The following DENND1B variants were observed in gnomAD, a reference collection of about 807,000 sequenced individuals.
The protein encoded by DENND1B is DENN domain-containing protein 1B.
DENND1B carries 59 observed loss-of-function variants against 90.1 expected under a neutral mutation model. The observed-to-expected ratio is 0.65, with a 90% CI of 0.53 to 0.81. The LOEUF (loss-of-function observed/expected upper bound fraction) is 0.81. DENND1B is among the 40% of genes least tolerant of loss of function. The pLI is 0.00. For missense variants in DENND1B, 862 were observed against 912.6 expected, an observed-to-expected ratio of 0.94 and a Z score of 0.71; for synonymous variants, 337 against 324.6, an observed-to-expected ratio of 1.04 and a Z score of -0.41.
chr1:197,689,431 G>A (rs1335479440), intron 3 of DENND1B: 1 of 152,062 alleles, frequency 6.6e-6, no homozygotes, highest in African/African-American at 2.4e-5. Context: ...GATGAGATTT[G>A]GGTGGAGACA....
At chr1:197,657,693 T>C (rs2477074) in intron 6 of DENND1B, among the ~76,000 whole-genome samples, 127,859 of 152,172 alleles carry the variant, frequency 0.84, 54,006 homozygotes, top group African/African-American at 0.92. Flanking sequence ...AATGCTCTCA[T>C]GATTCCTCAA....
intron 10 of DENND1B, among the ~76,000 whole-genome samples, chr1:197,632,765 T>C (rs1679443067): frequency 1.3e-5 from 2 of 152,170 alleles, no homozygotes; most frequent in East Asian, 3.8e-4. Context: ...CTACTTTAAT[T>C]TTAAGATGCC....
intron 3 of DENND1B, among the ~76,000 whole-genome samples, chr1:197,684,915 G>A (rs1657072399): frequency 6.6e-6 from 1 of 151,968 alleles, no homozygotes; most frequent in African/African-American, 2.4e-5. Flanking sequence ...TCAAGAGTTC[G>A]AGACCAGCCT....
At chr1:197,607,777 T>C (rs1214419536) in intron 12 of DENND1B, among the ~76,000 whole-genome samples, 1 of 150,764 alleles carries the variant, frequency 6.6e-6, no homozygotes, top group Non-Finnish European at 1.5e-5. Context: ...TCAGACTATC[T>C]TGACTTGTCC....
chr1:197,610,510 TATAA>T (rs1300810177), intron 12 of DENND1B, among the ~76,000 whole-genome samples: 15 of 150,744 alleles, frequency 1.0e-4, no homozygotes, highest in East Asian at 9.8e-4. Flanking sequence ...TTTTCATCTC[TATAA>T]ATAAATAAAC....
intron 5 of DENND1B, among the ~76,000 whole-genome samples, chr1:197,667,451 G>A (rs529089702): frequency 4.0e-5 from 6 of 150,776 alleles, no homozygotes; most frequent in East Asian, 1.9e-4. Flanking sequence ...TTTTTTTTCC[G>A]AGACAGAGTC....
At chr1:197,543,432 C>T (rs1670491149) in intron 18 of DENND1B, among the ~76,000 whole-genome samples, 1 of 152,120 alleles carries the variant, frequency 6.6e-6, no homozygotes, top group Non-Finnish European at 1.5e-5. Flanking sequence ...AATACAACTT[C>T]TCTAAGCCTA....
chr1:197,686,584 TTAAGAAATGTAC>T (rs1018667333), intron 3 of DENND1B, among the ~76,000 whole-genome samples: 16 of 152,178 alleles, frequency 1.1e-4, no homozygotes, highest in African/African-American at 3.4e-4. Flanking sequence ...CATGTGTTTA[TTAAGAAATGTAC>T]TAAGAAATGT....
Position 197,510,884 on chromosome 1 carries a change from T to C in DENND1B, c.1904A>G (p.Asp635Gly). 1 of 1,608,646 alleles carries C rather than the reference T, an allele frequency of 6.2e-7. No individual in the cohort carries two copies. Among genetic ancestry groups the C allele is most frequent in the South Asian group, 1.1e-5 (1 of 90,260 alleles). ...GAGGTGTTTGCCATGGAGGGCACTA[T>C]CGTCTTGCCCAAGATTCCACTCTGC... ...DQAEWNLGQDDSALHGKHLPP... is the reference protein window; with the variant it reads ...DQAEWNLGQDGSALHGKHLPP... The change falls in exon 23 of 23, where the codon GAT (aspartate) becomes GGT (glycine). Residue 635 changes from aspartate to glycine, a missense_variant. Coordinates refer to ENST00000620048, the MANE Select transcript of DENND1B (RefSeq NM_001195215.2).
chr1:197,751,431 T>G (rs754012499), intron 2 of DENND1B, among the ~76,000 whole-genome samples: 1 of 152,080 alleles, frequency 6.6e-6, no homozygotes, highest in African/African-American at 2.4e-5. Context: ...GCTAAAACAC[T>G]GCTTAAAAGT....
chr1:197,511,947 G>C lies in DENND1B; in HGVS notation c.1599-3C>G, dbSNP rs1048690066. ...CTTCACCATCTTCAGAAGATAACCT[G>C]AAGAAAAATAAAACACGCAGTAGTA... On this transcript the variant is annotated splice_polypyrimidine_tract_variant and splice_region_variant and intron_variant, in intron 21 of 22. Transcript: ENST00000620048. 6.3e-7 allele frequency: 1 copy of C among 1,597,774 alleles called. No individual in the cohort carries two copies. Among genetic ancestry groups the C allele is most frequent in the South Asian group, 1.1e-5 (1 of 87,942 alleles).
Position 197,536,135 on chromosome 1 carries a change from AGATT to A in DENND1B, c.1515+3825_1515+3828del, listed in dbSNP as rs1489518110. On this transcript the variant is annotated intron_variant, in intron 20 of 22. Coordinates refer to ENST00000620048, the MANE Select transcript of DENND1B (RefSeq NM_001195215.2). ...GAGGGAGGGAGAGAGGGAGAGAGAG[AGATT>A]GAGAGAGAGAGAGAGAGAGATAGAT... 2.8e-3 allele frequency among the ~76,000 whole-genome samples: 355 copies of A among 128,100 alleles called. 4 individuals carry two copies. Among genetic ancestry groups the A allele is most frequent in the African/African-American group, 8.8e-3 (317 of 35,964 alleles). 84.0% of individuals were successfully genotyped at this position (128,100 alleles called of 152,430 possible).
Position 197,576,336 on chromosome 1 carries a change from T to TTA in DENND1B, c.1149+6814_1149+6815dup, listed in dbSNP as rs148911772. ...GGAGCCCAAAGAGGCACCAAGCACC[T>TTA]TATATAGTGTGATACTCCATGAAAG... On this transcript the variant is annotated intron_variant, in intron 15 of 22. Transcript: ENST00000620048. Among the ~76,000 whole-genome samples the TTA allele has an allele frequency of 5.9e-3, 895 of 152,206 alleles. 13 individuals are homozygous for TTA. The highest frequency in any genetic ancestry group is 0.02 in the African/African-American group (837 of 41,520).
At chr1:197,669,026 T>C (rs939905600) in intron 5 of DENND1B, among the ~76,000 whole-genome samples, 1 of 152,146 alleles carries the variant, frequency 6.6e-6, no homozygotes, top group African/African-American at 2.4e-5. Context: ...TGTAAGTTAT[T>C]AGATGCTTTA....
At chr1:197,629,863 C>A (rs1679168343) in intron 10 of DENND1B, among the ~76,000 whole-genome samples, 1 of 151,972 alleles carries the variant, frequency 6.6e-6, no homozygotes, top group South Asian at 2.1e-4. Context: ...AGAAAACAAA[C>A]AACCCAATTA....
chr1:197,508,880 A>AC lies in DENND1B; in HGVS notation c.*1579dup. On this transcript the variant is annotated 3_prime_UTR_variant, in exon 23 of 23. Coordinates refer to ENST00000620048, the MANE Select transcript of DENND1B (RefSeq NM_001195215.2). ...CTTCTCAGATGAATTCCAAAGCTCA[A>AC]CAGTGAATTTGAGAAAGAAGAAACA... The AC allele has an allele frequency of 6.6e-6, 1 of 151,850 alleles. No individual in the cohort carries two copies. Among genetic ancestry groups the AC allele is most frequent in the Non-Finnish European group, 1.5e-5 (1 of 67,806 alleles). 9.4% of individuals were successfully genotyped at this position (151,850 alleles called of 1,614,324 possible).
chr1:197,778,753 C>T (rs186711492), upstream of DENND1B, among the ~76,000 whole-genome samples: 40 of 151,114 alleles, frequency 2.6e-4, no homozygotes, highest in African/African-American at 9.2e-4. Context: ...TTTGTACTTC[C>T]CGTTTGTTTC....
At chr1:197,604,352 C>G (rs1163680336) in intron 13 of DENND1B, among the ~76,000 whole-genome samples, 2 of 151,094 alleles carry the variant, frequency 1.3e-5, no homozygotes, top group Admixed American at 1.3e-4. Flanking sequence ...ATTTTAAATA[C>G]CTTAAGAGTA....
chr1:197,510,601 C>T lies in DENND1B; in HGVS notation c.2187G>A (p.Trp729Ter). 1 of 1,612,732 alleles carries T rather than the reference C, an allele frequency of 6.2e-7. No individual in the cohort carries two copies. The highest frequency in any genetic ancestry group is 8.5e-7 in the Non-Finnish European group (1 of 1,179,186). Reference sequence around the variant, plus strand: ...CTTTGGCTTCTTTCCCTTCTTTCTCCCAAGGAACAAAAGTCGATGAATGCC... The same window carrying T: ...CTTTGGCTTCTTTCCCTTCTTTCTCTCAAGGAACAAAAGTCGATGAATGCC... The part of the protein sequence containing the change: ...LGRHSSTFVP[W>*]EKEGKEAKET... Residue 729 changes from tryptophan (W) to a stop codon, truncating the protein, a stop_gained, in exon 23 of 23, where the codon TGG becomes TGA. Transcript: ENST00000620048. LOFTEE classifies it low-confidence loss of function (END_TRUNC).
Sources: gnomAD v4.1 joint callset for allele counts (sites outside exome capture counted in the v4.1 genomes callset) on GRCh38, gnomAD v4.1.1 for gene constraint, MANE v1.5 for transcripts, NCBI Gene and HGNC (gene_info 2026-07-23, HGNC 2026-07-21) for gene names.